PRDM2: variants seen among roughly 807,000 people sequenced by gnomAD.
PRDM2 encodes PR/SET domain 2.
PRDM2 carries 30 observed loss-of-function variants against 130.0 expected under a neutral mutation model. The ratio of observed to expected loss-of-function variants is 0.23; its 90% CI spans 0.17 to 0.31. The LOEUF (loss-of-function observed/expected upper bound fraction) is 0.31. PRDM2 is among the 10% of genes least tolerant of loss of function. PRDM2 has a pLI of 1.00. For synonymous variants in PRDM2, 871 were observed against 782.4 expected (o/e 1.11, Z -1.89); for missense variants, 2,011 against 2,108.4 (o/e 0.95, Z 0.90).
At chr1:13,715,726 G>T (rs181698672) in intron 2 of PRDM2, 112 bp downstream of exon 2, 3 of 975,138 alleles carry the variant, frequency 3.1e-6, no homozygotes, top group Non-Finnish European at 3.0e-6. Flanking sequence ...TCTCATTTTT[G>T]TTTCTTAATA....
intron 8 of PRDM2, among the ~76,000 whole-genome samples, chr1:13,790,747 G>A (rs1289581182): frequency 6.6e-6 from 1 of 152,056 alleles, no homozygotes. Context: ...CTGCTCCTTG[G>A]TGCCATGGAT....
At chr1:13,704,957 G>T (rs1050532687) in intron 1 of PRDM2, 1 of 152,206 alleles carries the variant, frequency 6.6e-6, no homozygotes, top group Non-Finnish European at 1.5e-5. Flanking sequence ...CTGAAAGTAG[G>T]AGTTTTCAGA....
At chr1:13,778,040 C>T (rs1644517062) in intron 7 of PRDM2, among the ~76,000 whole-genome samples, 1 of 152,152 alleles carries the variant, frequency 6.6e-6, no homozygotes, top group Non-Finnish European at 1.5e-5. Context: ...TACAACTACT[C>T]CTAAAATGTA....
chr1:13,794,710 C>G (rs181408092), intron 8 of PRDM2, among the ~76,000 whole-genome samples: 347 of 152,368 alleles, frequency 2.3e-3, no homozygotes, highest in African/African-American at 7.9e-3. Context: ...CTGTCAGCAT[C>G]ACTATTATGA....
chr1:13,710,121 G>T (rs1642324061), intron 1 of PRDM2, among the ~76,000 whole-genome samples: 1 of 152,174 alleles, frequency 6.6e-6, no homozygotes, highest in African/African-American at 2.4e-5. Context: ...AGTCCGTAAA[G>T]GGCAGATATG....
At chr1:13,736,376 C>T (rs1408508863) in intron 4 of PRDM2, among the ~76,000 whole-genome samples, 1 of 152,128 alleles carries the variant, frequency 6.6e-6, no homozygotes, top group African/African-American at 2.4e-5. Context: ...CCCGTCTCAG[C>T]CTTCCAAAGT....
chr1:13,733,758 G>T (rs1643181547), intron 4 of PRDM2, among the ~76,000 whole-genome samples: 1 of 152,212 alleles, frequency 6.6e-6, no homozygotes. Flanking sequence ...GTTCAAGTCA[G>T]TGCCCCCTGG....
At chr1:13,725,063 C>A (rs762461941) in intron 2 of PRDM2, among the ~76,000 whole-genome samples, 6 of 151,996 alleles carry the variant, frequency 3.9e-5, no homozygotes, top group Non-Finnish European at 8.8e-5. Flanking sequence ...AGACTGGAGG[C>A]GGTCTTAGTG....
chr1:13,706,286 C>T (rs1642208917), intron 1 of PRDM2, among the ~76,000 whole-genome samples: 1 of 152,208 alleles, frequency 6.6e-6, no homozygotes, highest in African/African-American at 2.4e-5. Context: ...GTCTTTCTGG[C>T]TGCCCTCTCC....
At chr1:13,768,400 A>G (rs192753720) in intron 6 of PRDM2, among the ~76,000 whole-genome samples, 3 of 134,596 alleles carry the variant, frequency 2.2e-5, no homozygotes, top group Non-Finnish European at 4.7e-5. Context: ...TTTTTTTAAG[A>G]TGGAGTTTTG....
intron 9 of PRDM2, among the ~76,000 whole-genome samples, chr1:13,817,141 A>AC (rs1370615007): frequency 6.6e-6 from 1 of 152,224 alleles, no homozygotes; most frequent in Non-Finnish European, 1.5e-5. Context: ...CTGAGTGAGG[A>AC]CATTCAAAGG....
At chr1:13,752,282 A>G (rs1643865891) in intron 6 of PRDM2, among the ~76,000 whole-genome samples, 1 of 152,222 alleles carries the variant, frequency 6.6e-6, no homozygotes. Flanking sequence ...CCATGGGCCA[A>G]AGATGGATAT....
At chr1:13,784,443 G>A (rs1480435157) in intron 8 of PRDM2, among the ~76,000 whole-genome samples, 1 of 152,154 alleles carries the variant, frequency 6.6e-6, no homozygotes, top group Non-Finnish European at 1.5e-5. Context: ...TATCCCTTTT[G>A]TCTTCAGTAT....
chr1:13,786,562 T>C (rs1324110271), intron 8 of PRDM2: 1 of 1,606,266 alleles, frequency 6.2e-7, no homozygotes, highest in South Asian at 1.1e-5. Context: ...CTTAATTGAC[T>C]AAAAAGTATT....
chr1:13,707,662 C>T (rs571807313), intron 1 of PRDM2, among the ~76,000 whole-genome samples: 52 of 152,094 alleles, frequency 3.4e-4, no homozygotes, highest in Non-Finnish European at 7.1e-4. Flanking sequence ...AGAGAGCAAG[C>T]ACTGATTGGA....
chr1:13,722,191 C>G (rs899856268), intron 2 of PRDM2, among the ~76,000 whole-genome samples: 5 of 152,144 alleles, frequency 3.3e-5, no homozygotes, highest in Non-Finnish European at 2.9e-5. Flanking sequence ...GGACCATTCT[C>G]CATAGGCCTT....
At chr1:13,782,861 A>G (rs1225510223) in intron 8 of PRDM2, 30 bp downstream of exon 8, 4 of 1,604,672 alleles carry the variant, frequency 2.5e-6, no homozygotes, top group African/African-American at 2.7e-5. Flanking sequence ...GGAGGGAAAG[A>G]CCGGGAAGGC....
At chr1:13,745,349 CA>C (rs763995139) in intron 5 of PRDM2, among the ~76,000 whole-genome samples, 6 of 151,600 alleles carry the variant, frequency 4.0e-5, no homozygotes, top group Non-Finnish European at 7.4e-5. Flanking sequence ...GCTGGCCATG[CA>C]AAAGGTCTGC....
rs1242057639 is a variant in PRDM2 at position 13,806,881 on chromosome 1, G to A, written c.5037-9546G>A. ...ACATTCCTGGTGGGTCTCACCTCAG[G>A]GCCTTTGCACTTCCTGTCCCCACTT... On this transcript the variant is annotated intron_variant, in intron 8 of 9. Transcript: ENST00000311066. The surrounding 1 kb of genome is among the most constrained non-coding windows in gnomAD (Gnocchi z 4.1). Among the ~76,000 whole-genome samples, 1 of 152,044 alleles carries A rather than the reference G, an allele frequency of 6.6e-6. No homozygotes were observed. The highest frequency in any genetic ancestry group is 2.4e-5 in the African/African-American group (1 of 41,384).
Sources: gnomAD v4.1 joint callset for allele counts (sites outside exome capture counted in the v4.1 genomes callset) on GRCh38, gnomAD v4.1.1 for gene constraint, Gnocchi (gnomAD v3.1) non-coding constraint, MANE v1.5 for transcripts, NCBI Gene and HGNC (gene_info 2026-07-23, HGNC 2026-07-21) for gene names.